RBFOX1: variants seen among roughly 807,000 people sequenced by gnomAD.
RBFOX1 encodes the protein RNA binding fox-1 homolog 1.
In RBFOX1, 8 loss-of-function variants were observed where a neutral mutation model predicts 57.7. That is an observed-to-expected ratio of 0.14 (90% CI 0.08 to 0.25). The LOEUF (loss-of-function observed/expected upper bound fraction) is 0.25. Among genes scored for constraint, RBFOX1 ranks in the 10% least tolerant of loss-of-function variants. RBFOX1 has a pLI of 1.00. For missense variants in RBFOX1, 611 were observed against 548.5 expected, an observed-to-expected ratio of 1.11 and a Z score of -1.14; for synonymous variants, 326 against 222.4, an observed-to-expected ratio of 1.47 and a Z score of -4.15.
At chr16:6,513,626 C>T (rs1447863645) in intron 2 of RBFOX1, among the ~76,000 whole-genome samples, 10 of 151,896 alleles carry the variant, frequency 6.6e-5, no homozygotes, top group African/African-American at 1.5e-4. Context: ...GACAGCTATT[C>T]GGGAGGCCGA....
chr16:6,873,334 G>C (rs977994282), intron 3 of RBFOX1, among the ~76,000 whole-genome samples: 8 of 152,152 alleles, frequency 5.3e-5, no homozygotes, highest in African/African-American at 1.9e-4. Flanking sequence ...GGGAAAAAGA[G>C]TGCAAAATCA....
intron 4 of RBFOX1, among the ~76,000 whole-genome samples, chr16:7,240,836 C>A (rs1051903132): frequency 1.3e-5 from 2 of 152,310 alleles, no homozygotes; most frequent in East Asian, 3.9e-4. Context: ...TTCCAAAGTT[C>A]TAGGATTACA....
intron 4 of RBFOX1, among the ~76,000 whole-genome samples, chr16:7,267,816 A>C (rs1158654346): frequency 6.6e-6 from 1 of 152,178 alleles, no homozygotes; most frequent in Admixed American, 6.5e-5. Context: ...AGATTGTGCC[A>C]CTGCACTCCA....
rs1411260335 is a variant in RBFOX1, at chr16:7,416,412, A to G, written c.28-101735A>G. Among the ~76,000 whole-genome samples, 4 of 152,112 alleles carry G rather than the reference A, an allele frequency of 2.6e-5. No homozygotes were observed. In the East Asian group the frequency reaches 7.7e-4, roughly 29 times the overall value. On this transcript the variant is annotated intron_variant, in intron 4 of 15. Transcript: ENST00000550418. The stretch of plus-strand genomic sequence containing the variant: ...CTTCTCTCTCATGCTTACTGATATG[A>G]TTGAGTGCCTGGGAGTCACCCCCAA...
At chr16:5,756,064 T>G (rs2053382594) in intron 3 of RBFOX1, among the ~76,000 whole-genome samples, 2 of 151,916 alleles carry the variant, frequency 1.3e-5, no homozygotes, top group Admixed American at 1.3e-4. Context: ...AGCAGGTGAT[T>G]CTCCTGTCTC....
intron 1 of RBFOX1, among the ~76,000 whole-genome samples, chr16:6,172,288 G>A (rs777776124): frequency 2.0e-5 from 3 of 152,012 alleles, no homozygotes; most frequent in African/African-American, 4.8e-5. Context: ...GAGATACAAC[G>A]TCCTCATCTT....
At chr16:6,979,398 A>G (rs1310841252) in intron 3 of RBFOX1, among the ~76,000 whole-genome samples, 2 of 152,178 alleles carry the variant, frequency 1.3e-5, no homozygotes, top group East Asian at 1.9e-4. Context: ...ATTGTGCGAT[A>G]GACCCACTAA....
At chr16:6,736,114 C>A (rs906887634) in intron 3 of RBFOX1, among the ~76,000 whole-genome samples, 1 of 152,146 alleles carries the variant, frequency 6.6e-6, no homozygotes, top group East Asian at 1.9e-4. Context: ...TCCAAGGAGA[C>A]ATAAATACAA....
intron 3 of RBFOX1, among the ~76,000 whole-genome samples, chr16:6,915,392 G>A (rs2072879354): frequency 6.6e-6 from 1 of 152,160 alleles, no homozygotes; most frequent in Non-Finnish European, 1.5e-5. Context: ...TCCCAAGCAT[G>A]TCACTTCTGA....
intron 1 of RBFOX1, among the ~76,000 whole-genome samples, chr16:6,242,603 A>C (rs1029107818): frequency 1.4e-5 from 2 of 144,374 alleles, no homozygotes; most frequent in African/African-American, 2.6e-5. Context: ...ATTTACGTTC[A>C]GTTTGAGAGA....
At chr16:5,900,739 C>T (rs1028765532) in intron 4 of RBFOX1, among the ~76,000 whole-genome samples, 6 of 152,158 alleles carry the variant, frequency 3.9e-5, no homozygotes, top group Non-Finnish European at 8.8e-5. Context: ...TCGAGAAGGA[C>T]ATGAGAGGAG....
intron 4 of RBFOX1, among the ~76,000 whole-genome samples, chr16:7,331,292 A>G (rs184113031): frequency 2.6e-5 from 4 of 152,320 alleles, no homozygotes; most frequent in Non-Finnish European, 4.4e-5. Context: ...AACAAAATCT[A>G]TATCAAGTGT....
At chr16:7,038,033 T>C (rs11640836) in intron 3 of RBFOX1, among the ~76,000 whole-genome samples, 8,274 of 152,244 alleles carry the variant, frequency 0.054, 408 homozygotes, top group East Asian at 0.2. Flanking sequence ...TGAGAACATA[T>C]ATTCTATCCC....
intron 3 of RBFOX1, among the ~76,000 whole-genome samples, chr16:6,952,343 T>A (rs1156499826): frequency 1.3e-5 from 2 of 152,184 alleles, no homozygotes; most frequent in African/African-American, 4.8e-5. Context: ...GTAGTTAACT[T>A]AGACCTGTTA....
chr16:5,344,965 C>T (rs2065109304), intron 1 of RBFOX1, among the ~76,000 whole-genome samples: 1 of 152,202 alleles, frequency 6.6e-6, no homozygotes, highest in South Asian at 2.1e-4. Context: ...TTCTTTCCCG[C>T]AGTGTCTGGG....
intron 4 of RBFOX1, among the ~76,000 whole-genome samples, chr16:7,497,213 C>T (rs1252628177): frequency 6.6e-6 from 1 of 152,176 alleles, no homozygotes; most frequent in Non-Finnish European, 1.5e-5. Flanking sequence ...CCTATGCCCA[C>T]AACCTTATTT....
intron 3 of RBFOX1, among the ~76,000 whole-genome samples, chr16:5,857,701 C>T (rs533768566): frequency 6.6e-6 from 1 of 151,878 alleles, no homozygotes; most frequent in Admixed American, 6.6e-5. Context: ...ACGGGCAGAA[C>T]ACTTGAGCCC....
At chr16:6,459,984 C>CAAAAAAAAAAAAAAAAAAAAAAAA (rs149424076) in intron 2 of RBFOX1, among the ~76,000 whole-genome samples, 5 of 47,672 alleles carry the variant, frequency 1.0e-4, no homozygotes, top group African/African-American at 1.3e-4. Context: ...AACTCCATCT[C>CAAAAAAAAAAAAAAAAAAAAAAAA]AAAAAAAAAA....
chr16:5,734,973 C>G (rs572557345), intron 3 of RBFOX1, among the ~76,000 whole-genome samples: 5 of 152,204 alleles, frequency 3.3e-5, no homozygotes, highest in South Asian at 4.1e-4. Flanking sequence ...CTCACACAAA[C>G]TGGCCACAAA....
Sources: gnomAD v4.1 joint callset for allele counts (sites outside exome capture counted in the v4.1 genomes callset) on GRCh38, gnomAD v4.1.1 for gene constraint, MANE v1.5 for transcripts, NCBI Gene and HGNC (gene_info 2026-07-23, HGNC 2026-07-21) for gene names.